HNRNPF: variants seen among roughly 807,000 people sequenced by gnomAD.
The protein encoded by HNRNPF is HnRNP F protein.
A neutral mutation model predicts 26.0 loss-of-function variants in HNRNPF; 2 were observed. The observed-to-expected ratio is 0.08, with a 90% confidence interval of 0.03 to 0.24. The LOEUF (loss-of-function observed/expected upper bound fraction) is 0.24. Ranked by LOEUF, HNRNPF falls within the 10% of genes least tolerant of loss-of-function variation. HNRNPF has a pLI of 1.00. For synonymous variants in HNRNPF, 234 were observed against 211.5 expected (o/e 1.11, Z -0.92); for missense variants, 299 against 539.2 (o/e 0.55, Z 4.41).
intron 1 of HNRNPF, among the ~76,000 whole-genome samples, chr10:43,403,812 G>A (rs767695854): frequency 6.6e-6 from 1 of 150,848 alleles, no homozygotes; most frequent in Non-Finnish European, 1.5e-5. Flanking sequence ...GGGCGACATG[G>A]CAAAACCCCT....
intron 1 of HNRNPF, among the ~76,000 whole-genome samples, chr10:43,406,712 TTA>T (rs1838930632): frequency 1.3e-5 from 2 of 152,062 alleles, no homozygotes; most frequent in African/African-American, 4.8e-5. Context: ...ACATATTTTT[TTA>T]TAGAGACGGG....
chr10:43,404,690 T>C (rs1462386820), intron 1 of HNRNPF, among the ~76,000 whole-genome samples: 1 of 151,906 alleles, frequency 6.6e-6, no homozygotes, highest in African/African-American at 2.4e-5. Context: ...ATACTCCGTC[T>C]CTACTAAAAA....
At chr10:43,404,256 C>CT (rs1263417489) in intron 1 of HNRNPF, among the ~76,000 whole-genome samples, 4 of 149,362 alleles carry the variant, frequency 2.7e-5, no homozygotes, top group Non-Finnish European at 4.4e-5. Flanking sequence ...AGCCTGGATC[C>CT]TGCCACTGCA....
intron 1 of HNRNPF, among the ~76,000 whole-genome samples, chr10:43,405,006 G>A (rs78947383): frequency 0.083 from 12,593 of 152,146 alleles, 908 homozygotes; most frequent in African/African-American, 0.19. Flanking sequence ...TTTTAAGAAA[G>A]GGGAACCTCT....
intron 3 of HNRNPF, among the ~76,000 whole-genome samples, chr10:43,388,966 A>ATTT (rs141503011): frequency 3.1e-5 from 4 of 127,082 alleles, no homozygotes; most frequent in Admixed American, 8.1e-5. Flanking sequence ...AGTATATGGA[A>ATTT]TTTTTTTTTT....
At chr10:43,390,127 T>C (rs758592730) in intron 3 of HNRNPF, among the ~76,000 whole-genome samples, 1 of 152,204 alleles carries the variant, frequency 6.6e-6, no homozygotes, top group African/African-American at 2.4e-5. Flanking sequence ...CAGCAGATTC[T>C]TCCTCTCCTG....
chr10:43,402,557 G>C (rs1220115793), intron 1 of HNRNPF, among the ~76,000 whole-genome samples: 1 of 152,116 alleles, frequency 6.6e-6, no homozygotes, highest in Non-Finnish European at 1.5e-5. Flanking sequence ...GTATTACTTT[G>C]CATGGCAGCC....
intron 1 of HNRNPF, among the ~76,000 whole-genome samples, chr10:43,400,636 G>T (rs1432245852): frequency 6.6e-6 from 1 of 152,136 alleles, no homozygotes; most frequent in Non-Finnish European, 1.5e-5. Context: ...CTGCTGTCAT[G>T]AACTCAAGAA....
intron 1 of HNRNPF, among the ~76,000 whole-genome samples, chr10:43,399,452 A>G (rs1838683460): frequency 6.6e-6 from 1 of 152,198 alleles, no homozygotes; most frequent in Non-Finnish European, 1.5e-5. Flanking sequence ...TGTGTGCAGA[A>G]GACTTGAGCC....
At chr10:43,388,027 AT>A in intron 3 of HNRNPF, 91 bp from the exon 4 acceptor site, 1 of 652,734 alleles carries the variant, frequency 1.5e-6, no homozygotes, top group Non-Finnish European at 2.6e-6. Flanking sequence ...ATTAAGAAAT[AT>A]ACCAAATACA....
Position 43,404,203 on chromosome 10 carries a change from G to A in HNRNPF, c.-247+4928C>T, listed in dbSNP as rs569156382. The stretch of plus-strand genomic sequence containing the variant: ...CACACCTGTAATCCCAGCTGCTCAC[G>A]AGCCTGAGAATCGCCTGAACCCAGG... On this transcript the variant is annotated intron_variant, in intron 1 of 3. Transcript: ENST00000682386. Among the ~76,000 whole-genome samples, 5 of 150,146 alleles carry A rather than the reference G, an allele frequency of 3.3e-5. No homozygotes were observed. In the South Asian group the frequency reaches 6.4e-4, roughly 19 times the overall value.
chr10:43,405,659 A>G (rs539782003), intron 1 of HNRNPF, among the ~76,000 whole-genome samples: 1 of 114,136 alleles, frequency 8.8e-6, no homozygotes, highest in Non-Finnish European at 1.6e-5. Flanking sequence ...TCCGTCTCGG[A>G]AAAAAAAAAA....
intron 1 of HNRNPF, among the ~76,000 whole-genome samples, chr10:43,397,943 G>C (rs1838616450): frequency 6.6e-6 from 1 of 152,192 alleles, no homozygotes; most frequent in Admixed American, 6.5e-5. Context: ...CTATGAACTA[G>C]TAATTTTTAT....
intron 2 of HNRNPF, among the ~76,000 whole-genome samples, chr10:43,396,106 G>T (rs11817723): frequency 2.0e-5 from 3 of 152,168 alleles, no homozygotes; most frequent in Admixed American, 6.5e-5. Flanking sequence ...AAGCGCTCCC[G>T]AACGAGCTCT....
chr10:43,400,412 C>G (rs908639696), intron 1 of HNRNPF, among the ~76,000 whole-genome samples: 2 of 152,138 alleles, frequency 1.3e-5, no homozygotes, highest in Non-Finnish European at 2.9e-5. Context: ...TTCTGCTGCT[C>G]GTGTCTGTTC....
intron 3 of HNRNPF, among the ~76,000 whole-genome samples, chr10:43,393,713 C>T (rs80293554): frequency 0.083 from 12,634 of 152,196 alleles, 926 homozygotes; most frequent in African/African-American, 0.19. Flanking sequence ...CAGTGGTTTC[C>T]CACTGACCTC....
chr10:43,388,670 G>A (rs1838124986), intron 3 of HNRNPF, among the ~76,000 whole-genome samples: 1 of 152,222 alleles, frequency 6.6e-6, no homozygotes, highest in African/African-American at 2.4e-5. Context: ...TAGCAGAATT[G>A]CTGCCTTGTG....
At chr10:43,389,804 C>T (rs1838171851) in intron 3 of HNRNPF, among the ~76,000 whole-genome samples, 1 of 152,234 alleles carries the variant, frequency 6.6e-6, no homozygotes, top group Non-Finnish European at 1.5e-5. Flanking sequence ...AGATGTCACC[C>T]TTGCTAATGA....
At chr10:43,401,004 C>A (rs2131986154) in intron 1 of HNRNPF, among the ~76,000 whole-genome samples, 1 of 152,298 alleles carries the variant, frequency 6.6e-6, no homozygotes, top group South Asian at 2.1e-4. Context: ...ATGGTGTGAA[C>A]CCGGGAGGCG....
Sources: allele counts gnomAD v4.1 joint callset (sites outside exome capture counted in the v4.1 genomes callset), GRCh38; gene constraint gnomAD v4.1.1; transcripts MANE v1.5; gene names NCBI Gene and HGNC (gene_info 2026-07-23, HGNC 2026-07-21).